Variants in PARD3 observed in about 807,000 individuals in gnomAD.
PARD3 encodes the protein partitioning defective 3 homolog.
In PARD3, 75 loss-of-function variants were observed where a neutral mutation model predicts 155.4. That is an observed-to-expected ratio of 0.48 (90% CI 0.40 to 0.58). PARD3 has a LOEUF of 0.58. Among genes scored for constraint, PARD3 ranks in the 20% least tolerant of loss-of-function variants. PARD3 has a pLI of 0.00. For synonymous variants in PARD3, 576 were observed against 610.5 expected (o/e 0.94, Z 0.83); for missense variants, 1,642 against 1,721.7 (o/e 0.95, Z 0.82).
At chr10:34,387,250 A>G (rs893632587) in intron 7 of PARD3, among the ~76,000 whole-genome samples, 1 of 152,244 alleles carries the variant, frequency 6.6e-6, no homozygotes, top group Non-Finnish European at 1.5e-5. Context: ...AATCTAAAAT[A>G]GTCCATAGAA....
chr10:34,235,610 C>A (rs1207483656), intron 22 of PARD3, among the ~76,000 whole-genome samples: 1 of 152,144 alleles, frequency 6.6e-6, no homozygotes, highest in Non-Finnish European at 1.5e-5. Flanking sequence ...TTACTGAGTT[C>A]TAATGACTGA....
intron 3 of PARD3, among the ~76,000 whole-genome samples, chr10:34,486,707 C>A (rs2079496039): frequency 6.6e-6 from 1 of 152,124 alleles, no homozygotes; most frequent in Non-Finnish European, 1.5e-5. Flanking sequence ...TTCAGTAGGT[C>A]TGGAATGGGT....
chr10:34,264,528 T>G (rs1955196653), intron 22 of PARD3, among the ~76,000 whole-genome samples: 1 of 152,154 alleles, frequency 6.6e-6, no homozygotes, highest in Non-Finnish European at 1.5e-5. Context: ...TGCTATCCTC[T>G]TCCTTCATGT....
At chr10:34,114,444 A>C (rs1231916807) in intron 24 of PARD3, among the ~76,000 whole-genome samples, 1 of 152,062 alleles carries the variant, frequency 6.6e-6, no homozygotes, top group Non-Finnish European at 1.5e-5. Context: ...CCTGGGTTCA[A>C]GCGATTCAGC....
chr10:34,745,909 G>C (rs1288046185), intron 1 of PARD3, among the ~76,000 whole-genome samples: 4 of 152,068 alleles, frequency 2.6e-5, no homozygotes, highest in South Asian at 4.1e-4. Flanking sequence ...GACCATCCTG[G>C]CTAACACGGT....
intron 22 of PARD3, among the ~76,000 whole-genome samples, chr10:34,224,602 A>G (rs1319195956): frequency 6.6e-6 from 1 of 152,246 alleles, no homozygotes; most frequent in East Asian, 1.9e-4. Context: ...CCTGTGAAGT[A>G]GGAAAACTTA....
At chr10:34,804,647 G>T (rs1477322162) in intron 1 of PARD3, among the ~76,000 whole-genome samples, 2 of 152,176 alleles carry the variant, frequency 1.3e-5, no homozygotes, top group Non-Finnish European at 2.9e-5. Context: ...TGTGGTATAA[G>T]AAAATACGTT....
chr10:34,729,948 C>T (rs2094788173), intron 1 of PARD3, among the ~76,000 whole-genome samples: 1 of 152,106 alleles, frequency 6.6e-6, no homozygotes, highest in Non-Finnish European at 1.5e-5. Context: ...CACCTCCCTC[C>T]CCTAGAAATC....
chr10:34,488,902 C>T (rs1351736900), intron 3 of PARD3: 1 of 152,838 alleles, frequency 6.5e-6, no homozygotes, highest in African/African-American at 2.4e-5. Context: ...CCACCTCTCC[C>T]TTCAGCACAC....
intron 19 of PARD3, among the ~76,000 whole-genome samples, chr10:34,321,577 T>C (rs960222862): frequency 6.6e-6 from 1 of 152,198 alleles, no homozygotes; most frequent in African/African-American, 2.4e-5. Flanking sequence ...CCTATAAAGA[T>C]AGGCACTTTC....
intron 5 of PARD3, among the ~76,000 whole-genome samples, chr10:34,437,697 C>T (rs1332744055): frequency 1.3e-5 from 2 of 151,982 alleles, no homozygotes; most frequent in African/African-American, 2.4e-5. Context: ...AAAATCAGCT[C>T]GCAAACAAGT....
At chr10:34,351,392 C>T (rs1838065478) in intron 14 of PARD3, among the ~76,000 whole-genome samples, 1 of 152,266 alleles carries the variant, frequency 6.6e-6, no homozygotes, top group South Asian at 2.1e-4. Context: ...TGGAAATAGG[C>T]TGTTAAAACT....
intron 1 of PARD3, among the ~76,000 whole-genome samples, chr10:34,778,390 G>C (rs1839854624): frequency 6.6e-6 from 1 of 152,226 alleles, no homozygotes; most frequent in Non-Finnish European, 1.5e-5. Flanking sequence ...TCACTGTGCT[G>C]CCTTAACCAT....
intron 1 of PARD3, among the ~76,000 whole-genome samples, chr10:34,804,207 T>C (rs1470071367): frequency 1.3e-5 from 2 of 152,140 alleles, no homozygotes; most frequent in Non-Finnish European, 2.9e-5. Context: ...CTAAATTTTT[T>C]TGTATTTTTA....
At chr10:34,477,822 C>T (rs915685982) in intron 3 of PARD3, among the ~76,000 whole-genome samples, 16 of 152,154 alleles carry the variant, frequency 1.1e-4, no homozygotes, top group African/African-American at 3.6e-4. Flanking sequence ...GCTTTTAGAA[C>T]TTATGATACA....
At chr10:34,708,753 G>A (rs1045955592) in intron 1 of PARD3, among the ~76,000 whole-genome samples, 1 of 152,018 alleles carries the variant, frequency 6.6e-6, no homozygotes, top group African/African-American at 2.4e-5. Context: ...AAAGATTAAG[G>A]AGGAATATCC....
intron 2 of PARD3, among the ~76,000 whole-genome samples, chr10:34,595,201 T>C (rs759311205): frequency 1.3e-5 from 2 of 152,218 alleles, no homozygotes; most frequent in African/African-American, 2.4e-5. Flanking sequence ...GTCTCCCTTC[T>C]TCCATTCCGG....
intron 22 of PARD3, among the ~76,000 whole-genome samples, chr10:34,211,623 T>C (rs1330969201): frequency 6.6e-6 from 1 of 151,798 alleles, no homozygotes; most frequent in Non-Finnish European, 1.5e-5. Context: ...CTTCTAAAAA[T>C]ACAAAAATTA....
intron 22 of PARD3, among the ~76,000 whole-genome samples, chr10:34,214,923 G>A (rs923640978): frequency 1.3e-5 from 2 of 152,164 alleles, no homozygotes; most frequent in African/African-American, 2.4e-5. Flanking sequence ...TCTTTTAAGG[G>A]TGAGACGCAG....
Sources: gnomAD v4.1 joint callset for allele counts (sites outside exome capture counted in the v4.1 genomes callset) on GRCh38, gnomAD v4.1.1 for gene constraint, MANE v1.5 for transcripts, NCBI Gene and HGNC (gene_info 2026-07-23, HGNC 2026-07-21) for gene names.